Variants in DLGAP4 observed in about 807,000 individuals in gnomAD.
DLGAP4 encodes the protein disks large-associated protein 4.
A neutral mutation model predicts 86.9 loss-of-function variants in DLGAP4; 18 were observed. The ratio of observed to expected loss-of-function variants is 0.21; its 90% CI spans 0.14 to 0.31. The LOEUF (loss-of-function observed/expected upper bound fraction) is 0.31. DLGAP4 is among the 10% of genes least tolerant of loss of function. The probability of loss-of-function intolerance (pLI) is 1.00; values close to 1 mark genes in which losing one functional copy is unlikely to be tolerated. For synonymous variants in DLGAP4, 548 were observed against 574.3 expected, an observed-to-expected ratio of 0.95 and a Z score of 0.65; for missense variants, 1,085 against 1,362.6, an observed-to-expected ratio of 0.80 and a Z score of 3.21.
intron 2 of DLGAP4, among the ~76,000 whole-genome samples, chr20:36,417,423 C>T (rs147079399): frequency 6.1e-4 from 92 of 151,998 alleles, no homozygotes; most frequent in Non-Finnish European, 1.0e-3. Context: ...ACTCTGTTGC[C>T]CAGTCTGGAG....
At chr20:36,381,924 A>G (rs2031408490) in intron 2 of DLGAP4, among the ~76,000 whole-genome samples, 1 of 152,040 alleles carries the variant, frequency 6.6e-6, no homozygotes, top group Admixed American at 6.6e-5. Flanking sequence ...TTGGAATCTC[A>G]TGGGGTCCCA....
At chr20:36,430,648 C>CAAA (rs5841233) in intron 2 of DLGAP4, among the ~76,000 whole-genome samples, 10 of 58,960 alleles carry the variant, frequency 1.7e-4, no homozygotes, top group African/African-American at 5.1e-4. Context: ...GACCTTGTTG[C>CAAA]AAAAAAAAAA....
At chr20:36,368,164 G>A (rs1189614281) in intron 2 of DLGAP4, among the ~76,000 whole-genome samples, 1 of 152,224 alleles carries the variant, frequency 6.6e-6, no homozygotes, top group Non-Finnish European at 1.5e-5. Flanking sequence ...AGAGAAGAAG[G>A]GAAACCTCTC....
intron 1 of DLGAP4, among the ~76,000 whole-genome samples, chr20:36,343,841 G>A (rs542156207): frequency 3.9e-5 from 6 of 152,344 alleles, no homozygotes; most frequent in Non-Finnish European, 8.8e-5. Context: ...CAAGGGCACT[G>A]GTGGGCCCCG....
intron 7 of DLGAP4, among the ~76,000 whole-genome samples, chr20:36,487,458 C>T (rs547912020): frequency 1.3e-5 from 2 of 152,138 alleles, no homozygotes; most frequent in Non-Finnish European, 2.9e-5. Context: ...TTAGAGCAGC[C>T]CCAGGAAGCT....
chr20:36,427,161 C>G (rs2032996632), intron 2 of DLGAP4, among the ~76,000 whole-genome samples: 2 of 151,900 alleles, frequency 1.3e-5, no homozygotes, highest in Non-Finnish European at 2.9e-5. Flanking sequence ...CCAGCCTCGG[C>G]AACAGAGCGA....
Position 36,526,980 on chromosome 20 carries a change from G to C in DLGAP4, c.2928G>C (p.Glu976Asp). 1 of 1,613,510 alleles carries C rather than the reference G, an allele frequency of 6.2e-7. No homozygotes were observed. Among genetic ancestry groups the C allele is most frequent in the African/African-American group, 1.3e-5 (1 of 74,946 alleles). Reference sequence around the variant, plus strand: ...CTGTGCGGCAGAACTCAGCCACCGAGAGCGCAGACAGCATCGAGATTTATG... The same window carrying C: ...CTGTGCGGCAGAACTCAGCCACCGACAGCGCAGACAGCATCGAGATTTATG... ...AASVRQNSAT[E>D]SADSIEIYVP... The change falls in exon 13 of 13, where the codon GAG becomes GAC. Residue 976 changes from glutamate to aspartate, a missense_variant. Glu to Asp is a conservative substitution (Grantham distance 45). Around this residue, in one of 2 missense-constraint regions of DLGAP4, gnomAD observed 1,082 missense variants for 1,344.1 expected, o/e 0.81. Coordinates refer to ENST00000339266, the MANE Select transcript of DLGAP4 (RefSeq NM_001365621.2).
intron 1 of DLGAP4, among the ~76,000 whole-genome samples, chr20:36,357,778 T>C (rs940202790): frequency 1.3e-5 from 2 of 152,184 alleles, no homozygotes; most frequent in Non-Finnish European, 2.9e-5. Context: ...ACAAAGGGAT[T>C]ACAGGGAAAT....
chr20:36,469,677 C>T (rs1194825250), intron 7 of DLGAP4, among the ~76,000 whole-genome samples: 5 of 150,142 alleles, frequency 3.3e-5, no homozygotes, highest in East Asian at 2.0e-4. Context: ...TGCTTGAACC[C>T]GGGAGGTGGA....
rs1488401402 is a variant in DLGAP4, at chr20:36,452,817, T to G, written c.1648+5880T>G. 2.1e-5 allele frequency among the ~76,000 whole-genome samples: 3 copies of G among 146,314 alleles called. No individual in the cohort carries two copies. The East Asian group carries it at 6.1e-4, about 30-fold the overall frequency. The stretch of plus-strand genomic sequence containing the variant: ...GAGCCACTGCGCTTGGCCTTTTTCT[T>G]GTGTAAGTCTTTTTTTTTTTTTTTT... On this transcript the variant is annotated intron_variant, in intron 7 of 12. Transcript: ENST00000339266.
At chr20:36,371,631 G>A (rs1419385929) in intron 2 of DLGAP4, among the ~76,000 whole-genome samples, 6 of 152,190 alleles carry the variant, frequency 3.9e-5, no homozygotes, top group Non-Finnish European at 8.8e-5. Flanking sequence ...CCATCACCAC[G>A]GGACCAGTTA....
At chr20:36,519,604 T>C (rs1486226128) in intron 10 of DLGAP4, among the ~76,000 whole-genome samples, 1 of 152,216 alleles carries the variant, frequency 6.6e-6, no homozygotes, top group Admixed American at 6.5e-5. Context: ...TTTGGGTTTA[T>C]ACCCAGAAGT....
At chr20:36,382,344 G>A (rs1407847234) in intron 2 of DLGAP4, among the ~76,000 whole-genome samples, 1 of 150,806 alleles carries the variant, frequency 6.6e-6, no homozygotes, top group Non-Finnish European at 1.5e-5. Flanking sequence ...CTTAGCCACT[G>A]TGTAGTGGCT....
At chr20:36,508,029 G>C (rs1007758189) in intron 10 of DLGAP4, 2 of 152,272 alleles carry the variant, frequency 1.3e-5, no homozygotes, top group Admixed American at 6.6e-5. Context: ...GTTGAACCCT[G>C]AGGCTGCATC....
rs1466072096 is a variant in DLGAP4 at position 36,500,816 on chromosome 20, GT to G, written c.2512+206del. Among the ~76,000 whole-genome samples, 2 of 152,100 alleles carry G rather than the reference GT, an allele frequency of 1.3e-5. No individual in the cohort carries two copies. Among genetic ancestry groups the G allele is most frequent in the Non-Finnish European group, 2.9e-5 (2 of 68,032 alleles). ...AACCTCTTTCCAGAAAGGGTTGCTG[GT>G]GATAGCTGTTTGTTGTGCAGGCTGT... On this transcript the variant is annotated intron_variant, in intron 10 of 12. Transcript: ENST00000339266. The surrounding 1 kb of genome is among the most constrained non-coding windows in gnomAD (Gnocchi z 4.6).
At chr20:36,510,563 C>G (rs1047508794) in intron 10 of DLGAP4, among the ~76,000 whole-genome samples, 2 of 152,178 alleles carry the variant, frequency 1.3e-5, no homozygotes, top group African/African-American at 4.8e-5. Flanking sequence ...CTGAGCCTGG[C>G]TGACTCCTGG....
At chr20:36,347,973 A>G (rs1555893153) in intron 1 of DLGAP4, among the ~76,000 whole-genome samples, 1 of 152,106 alleles carries the variant, frequency 6.6e-6, no homozygotes, top group Admixed American at 6.5e-5. Context: ...CCTTCCATAG[A>G]ATGGAGCTTC....
At chr20:36,455,072 C>T (rs902227824) in intron 7 of DLGAP4, among the ~76,000 whole-genome samples, 2 of 152,236 alleles carry the variant, frequency 1.3e-5, no homozygotes, top group Admixed American at 1.3e-4. Flanking sequence ...GCCATCACTC[C>T]CCAGTCTGCC....
intron 1 of DLGAP4, among the ~76,000 whole-genome samples, chr20:36,315,501 G>A (rs2065090806): frequency 7.2e-6 from 1 of 139,256 alleles, no homozygotes. Context: ...GAGCCATGAA[G>A]CAGCCTGCCT....
Sources: gnomAD v4.1 joint callset for allele counts (sites outside exome capture counted in the v4.1 genomes callset) on GRCh38, gnomAD v4.1.1 for gene constraint, gnomAD v4.1.1 regional missense constraint, Gnocchi (gnomAD v3.1) non-coding constraint, MANE v1.5 for transcripts, NCBI Gene and HGNC (gene_info 2026-07-23, HGNC 2026-07-21) for gene names.